The following CNTNAP2 variants were observed in gnomAD, a reference collection of about 807,000 sequenced individuals.
CNTNAP2 encodes contactin associated protein 2, also known as contactin-associated protein-like 2.
Under a neutral mutation model 155.2 loss-of-function variants are expected in CNTNAP2, and 98 were observed. That is an observed-to-expected ratio of 0.63 (90% CI 0.54 to 0.75). CNTNAP2 has a LOEUF of 0.75. CNTNAP2 is among the 30% of genes least tolerant of loss of function. The pLI, the probability that CNTNAP2 is intolerant of heterozygous loss-of-function variation, is 0.00. For synonymous variants in CNTNAP2, 651 were observed against 631.2 expected (o/e 1.03, Z -0.47); for missense variants, 1,727 against 1,688.1 (o/e 1.02, Z -0.40).
chr7:147,746,536 C>T (rs140111754), intron 13 of CNTNAP2, among the ~76,000 whole-genome samples: 20 of 152,160 alleles, frequency 1.3e-4, no homozygotes, highest in African/African-American at 4.3e-4. Context: ...TACCCCATCA[C>T]GACACAAAAA....
intron 4 of CNTNAP2, among the ~76,000 whole-genome samples, 162 bp downstream of exon 4, chr7:147,044,216 AAAGG>A (rs1320975394): frequency 6.6e-6 from 1 of 151,854 alleles, no homozygotes; most frequent in East Asian, 1.9e-4. Context: ...ATATATAATA[AAAGG>A]TTGTGTCTCT....
intron 1 of CNTNAP2, among the ~76,000 whole-genome samples, chr7:146,289,151 T>A (rs1484913123): frequency 6.6e-6 from 1 of 152,098 alleles, no homozygotes; most frequent in Non-Finnish European, 1.5e-5. Flanking sequence ...CTCAGACAAA[T>A]GAGAACCAAT....
chr7:146,826,352 A>G (rs958478115), intron 2 of CNTNAP2, among the ~76,000 whole-genome samples: 1 of 152,158 alleles, frequency 6.6e-6, no homozygotes, highest in Admixed American at 6.6e-5. Context: ...AAAAGCCACT[A>G]TGTGAGTTAA....
At chr7:146,378,138 A>G (rs1300439025) in intron 1 of CNTNAP2, among the ~76,000 whole-genome samples, 1 of 152,206 alleles carries the variant, frequency 6.6e-6, no homozygotes, top group Non-Finnish European at 1.5e-5. Context: ...TGCTTTATAA[A>G]TATTTATAAC....
At chr7:147,948,647 A>G (rs1800863297) in intron 14 of CNTNAP2, among the ~76,000 whole-genome samples, 1 of 149,292 alleles carries the variant, frequency 6.7e-6, no homozygotes, top group South Asian at 2.1e-4. Context: ...ACACACATAT[A>G]CACACACACA....
At chr7:147,196,833 G>A (rs1021661712) in intron 8 of CNTNAP2, among the ~76,000 whole-genome samples, 1 of 152,082 alleles carries the variant, frequency 6.6e-6, no homozygotes, top group Non-Finnish European at 1.5e-5. Flanking sequence ...GTGCAATGGT[G>A]AGGCTCAAAA....
chr7:146,295,715 G>T (rs1800503772), intron 1 of CNTNAP2, among the ~76,000 whole-genome samples: 1 of 151,734 alleles, frequency 6.6e-6, no homozygotes, highest in African/African-American at 2.4e-5. Context: ...TAGCTCAATT[G>T]TTCCCATTCT....
At chr7:146,534,819 C>A (rs1220270800) in intron 1 of CNTNAP2, among the ~76,000 whole-genome samples, 3 of 151,230 alleles carry the variant, frequency 2.0e-5, no homozygotes, top group Non-Finnish European at 4.4e-5. Flanking sequence ...AGTCTAAATC[C>A]AAGCTGAGCA....
intron 18 of CNTNAP2, among the ~76,000 whole-genome samples, chr7:148,176,029 G>A (rs1047738343): frequency 2.0e-5 from 3 of 151,714 alleles, no homozygotes; most frequent in East Asian, 1.9e-4. Context: ...TGAAATTACC[G>A]TGTCTTGTCA....
intron 3 of CNTNAP2, among the ~76,000 whole-genome samples, chr7:146,865,946 CTT>C (rs1224797210): frequency 6.6e-6 from 1 of 152,132 alleles, no homozygotes; most frequent in Non-Finnish European, 1.5e-5. Context: ...ATACTATTGT[CTT>C]TGCGTCTGCT....
intron 21 of CNTNAP2, among the ~76,000 whole-genome samples, chr7:148,303,033 G>C (rs1797422801): frequency 6.6e-6 from 1 of 151,874 alleles, no homozygotes; most frequent in African/African-American, 2.4e-5. Flanking sequence ...GGCCATAGTT[G>C]ATCCTGATCT....
At chr7:146,430,998 G>T (rs892867554) in intron 1 of CNTNAP2, among the ~76,000 whole-genome samples, 2 of 151,924 alleles carry the variant, frequency 1.3e-5, no homozygotes, top group African/African-American at 4.8e-5. Flanking sequence ...TCCTATATCT[G>T]TTTTTCTAGA....
chr7:147,219,680 A>G (rs1803350001), intron 8 of CNTNAP2, among the ~76,000 whole-genome samples: 1 of 152,186 alleles, frequency 6.6e-6, no homozygotes, highest in South Asian at 2.1e-4. Flanking sequence ...AACATTTTGC[A>G]TCCTTTAATC....
chr7:147,832,973 A>C (rs1798577416), intron 13 of CNTNAP2, among the ~76,000 whole-genome samples: 2 of 150,544 alleles, frequency 1.3e-5, no homozygotes, highest in Non-Finnish European at 1.5e-5. Context: ...GAAATATCTC[A>C]CCCAATTTAT....
intron 21 of CNTNAP2, among the ~76,000 whole-genome samples, chr7:148,349,453 G>C (rs1432592600): frequency 6.7e-6 from 1 of 150,032 alleles, no homozygotes; most frequent in Non-Finnish European, 1.5e-5. Context: ...CCGGGCTGGA[G>C]TGCAGTGGCG....
intron 10 of CNTNAP2, among the ~76,000 whole-genome samples, chr7:147,484,568 T>C (rs1218566791): frequency 6.6e-6 from 1 of 152,254 alleles, no homozygotes; most frequent in Non-Finnish European, 1.5e-5. Flanking sequence ...GCTGTGCATA[T>C]AGCAGGTGCT....
At chr7:146,710,651 A>AT (rs933004357) in intron 1 of CNTNAP2, among the ~76,000 whole-genome samples, 1 of 151,882 alleles carries the variant, frequency 6.6e-6, no homozygotes, top group African/African-American at 2.4e-5. Flanking sequence ...TGCACTTCTG[A>AT]TTTTTTTCCT....
At chr7:148,112,415 GTATTATTATTAT>G (rs34816770) in intron 15 of CNTNAP2, among the ~76,000 whole-genome samples, 2 of 148,566 alleles carry the variant, frequency 1.3e-5, no homozygotes, top group Non-Finnish European at 3.0e-5. Context: ...CTAAATTTTA[GTATTATTATTAT>G]TATTATTATT....
intron 13 of CNTNAP2, among the ~76,000 whole-genome samples, chr7:147,744,269 GC>G (rs1294515096): frequency 6.6e-6 from 1 of 152,100 alleles, no homozygotes; most frequent in Non-Finnish European, 1.5e-5. Flanking sequence ...TGAGCCATCT[GC>G]CCCTTTTTAC....
Sources: allele counts gnomAD v4.1 joint callset (sites outside exome capture counted in the v4.1 genomes callset), GRCh38; gene constraint gnomAD v4.1.1; transcripts MANE v1.5; gene names NCBI Gene and HGNC (gene_info 2026-07-23, HGNC 2026-07-21).